TBC1D5: variants seen among roughly 807,000 people sequenced by gnomAD.
TBC1D5 encodes TBC1 domain family member 5.
TBC1D5 carries 75 observed loss-of-function variants against 100.3 expected under a neutral mutation model. That is an observed-to-expected ratio of 0.75 (90% CI 0.62 to 0.91). The LOEUF is 0.91. TBC1D5 is among the 40% of genes least tolerant of loss of function. The probability of loss-of-function intolerance (pLI) is 0.00; values close to 1 mark genes in which losing one functional copy is unlikely to be tolerated. For synonymous variants in TBC1D5, 323 were observed against 325.6 expected (o/e 0.99, Z 0.09); for missense variants, 910 against 942.4 (o/e 0.97, Z 0.45).
chr3:17,176,413 T>C (rs1486613764), intron 19 of TBC1D5, among the ~76,000 whole-genome samples: 1 of 152,184 alleles, frequency 6.6e-6, no homozygotes, highest in Admixed American at 6.5e-5. Context: ...GGCTGGTAAG[T>C]TGGTATTTTG....
intron 2 of TBC1D5, among the ~76,000 whole-genome samples, chr3:17,568,866 T>C (rs972841904): frequency 1.3e-5 from 2 of 151,784 alleles, no homozygotes; most frequent in African/African-American, 4.8e-5. Context: ...CAGCATTTGG[T>C]ATTCCTAATA....
chr3:17,269,171 A>T (rs2079125165), intron 15 of TBC1D5, among the ~76,000 whole-genome samples: 1 of 152,142 alleles, frequency 6.6e-6, no homozygotes, highest in Admixed American at 6.6e-5. Context: ...AACATTTAGG[A>T]TTGGGGCATA....
intron 1 of TBC1D5, among the ~76,000 whole-genome samples, chr3:17,673,157 T>A (rs748502301): frequency 6.6e-6 from 1 of 152,214 alleles, no homozygotes; most frequent in South Asian, 2.1e-4. Context: ...AATGTAGTAA[T>A]AATACAAAAA....
chr3:17,363,740 T>C (rs1228263077), intron 13 of TBC1D5, among the ~76,000 whole-genome samples: 1 of 151,974 alleles, frequency 6.6e-6, no homozygotes, highest in East Asian at 1.9e-4. Flanking sequence ...TAGCTGAAAG[T>C]TTTCACTATA....
intron 2 of TBC1D5, among the ~76,000 whole-genome samples, chr3:17,546,215 T>TA (rs1560131435): frequency 6.6e-6 from 1 of 152,114 alleles, no homozygotes; most frequent in Non-Finnish European, 1.5e-5. Context: ...AGCTGCCTCA[T>TA]AAAAAACCCA....
chr3:17,605,277 C>CTTG (rs2061266490), intron 2 of TBC1D5, among the ~76,000 whole-genome samples: 1 of 152,136 alleles, frequency 6.6e-6, no homozygotes, highest in Non-Finnish European at 1.5e-5. Context: ...ATAGTATTAA[C>CTTG]TACTTTTACT....
chr3:17,517,273 C>G (rs2096003198), intron 2 of TBC1D5, among the ~76,000 whole-genome samples: 2 of 152,126 alleles, frequency 1.3e-5, no homozygotes, highest in Admixed American at 1.3e-4. Context: ...TTAGCAAGAC[C>G]ATCCACTTAT....
At chr3:17,526,819 T>G (rs1323805592) in intron 2 of TBC1D5, among the ~76,000 whole-genome samples, 3 of 152,172 alleles carry the variant, frequency 2.0e-5, no homozygotes, top group Non-Finnish European at 4.4e-5. Context: ...GCACCTACAG[T>G]TGAAAATGAT....
chr3:17,168,934 A>G (rs2066906266), intron 19 of TBC1D5, among the ~76,000 whole-genome samples: 1 of 152,178 alleles, frequency 6.6e-6, no homozygotes, highest in South Asian at 2.1e-4. Context: ...TCACTTGCTC[A>G]ATGCCCCGCA....
At chr3:17,638,811 T>C (rs922589129) in intron 1 of TBC1D5, among the ~76,000 whole-genome samples, 4 of 151,890 alleles carry the variant, frequency 2.6e-5, no homozygotes, top group Admixed American at 6.6e-5. Context: ...AAAAATAATA[T>C]TGAGAGAAAA....
chr3:17,165,411 GAATA>G (rs2066498119), intron 21 of TBC1D5, among the ~76,000 whole-genome samples: 1 of 152,148 alleles, frequency 6.6e-6, no homozygotes, highest in Admixed American at 6.5e-5. Flanking sequence ...AGTAATATTT[GAATA>G]AATAAATGAT....
Position 17,445,545 on chromosome 3 carries a change from G to C in TBC1D5, c.98-17026C>G, listed in dbSNP as rs139110173. On this transcript the variant is annotated intron_variant, in intron 3 of 21. Coordinates refer to ENST00000253692, the Ensembl canonical transcript of TBC1D5. The stretch of plus-strand genomic sequence containing the variant: ...CATACAGCAGTCTTTTCTTATTTGT[G>C]GTCTTGCTTTCCGTAGTTTCAGTTA... Among the ~76,000 whole-genome samples the C allele has an allele frequency of 5.8e-3, 885 of 152,112 alleles. 6 individuals are homozygous for C. Among genetic ancestry groups the C allele is most frequent in the Admixed American group, 0.013 (201 of 15,276 alleles).
chr3:17,307,973 A>G lies in TBC1D5; in HGVS notation c.1138+19T>C. 1 of 1,592,872 alleles carries G rather than the reference A, an allele frequency of 6.3e-7. No individual in the cohort carries two copies. The highest frequency in any genetic ancestry group is 2.3e-5 in the East Asian group (1 of 43,658). On this transcript the variant is annotated intron_variant, in intron 14 of 21. Coordinates refer to ENST00000253692, the Ensembl canonical transcript of TBC1D5. ...TCAGGAGTACCTAGTCAAATGTAGG[A>G]AAGGTCATTAATACTTACAAGCATC...
intron 15 of TBC1D5, among the ~76,000 whole-genome samples, chr3:17,262,488 T>G (rs866965090): frequency 0.01 from 1,574 of 150,442 alleles, 31 homozygotes; most frequent in African/African-American, 0.036. Context: ...GTTTTTTTTT[T>G]TTTTTTTTTT....
intron 19 of TBC1D5, among the ~76,000 whole-genome samples, chr3:17,179,670 T>G (rs1202340039): frequency 6.6e-6 from 1 of 152,170 alleles, no homozygotes; most frequent in Non-Finnish European, 1.5e-5. Context: ...AACAGCTAGG[T>G]TGACTTCTAG....
intron 16 of TBC1D5, among the ~76,000 whole-genome samples, chr3:17,251,008 C>A (rs189954634): frequency 3.1e-4 from 47 of 152,296 alleles, no homozygotes; most frequent in South Asian, 6.2e-4. Context: ...CTTATTAGCA[C>A]CTTTCCTATT....
intron 17 of TBC1D5, among the ~76,000 whole-genome samples, chr3:17,235,405 A>T (rs929493250): frequency 1.3e-5 from 2 of 152,224 alleles, no homozygotes; most frequent in African/African-American, 4.8e-5. Context: ...AGACTATTAC[A>T]TTATCTTTCC....
intron 14 of TBC1D5, among the ~76,000 whole-genome samples, chr3:17,294,799 T>A (rs1448437316): frequency 3.3e-5 from 5 of 152,206 alleles, no homozygotes; most frequent in Admixed American, 6.5e-5. Flanking sequence ...AATCCACACT[T>A]TTAGAAATAC....
chr3:17,544,043 T>C (rs1360046777), intron 2 of TBC1D5, among the ~76,000 whole-genome samples: 1 of 151,856 alleles, frequency 6.6e-6, no homozygotes, highest in East Asian at 1.9e-4. Context: ...AATTTTTGTA[T>C]TTTTTTAGTA....
Sources: allele counts gnomAD v4.1 joint callset (sites outside exome capture counted in the v4.1 genomes callset), GRCh38; gene constraint gnomAD v4.1.1; transcripts MANE v1.5; gene names NCBI Gene and HGNC (gene_info 2026-07-23, HGNC 2026-07-21).